The following RB1CC1 variants were observed in gnomAD, a reference collection of about 807,000 sequenced individuals.
RB1CC1 encodes RB1-inducible coiled-coil protein 1.
RB1CC1 carries 46 observed loss-of-function variants against 177.5 expected under a neutral mutation model. The observed-to-expected ratio is 0.26, with a 90% confidence interval of 0.20 to 0.33. RB1CC1 has a LOEUF of 0.33. Ranked by LOEUF, RB1CC1 falls within the 10% of genes least tolerant of loss-of-function variation. The probability of loss-of-function intolerance (pLI) is 1.00; values close to 1 mark genes in which losing one functional copy is unlikely to be tolerated. For missense variants in RB1CC1, 1,703 were observed against 1,816.3 expected (o/e 0.94, Z 1.13); for synonymous variants, 666 against 613.6 (o/e 1.09, Z -1.26).
chr8:52,670,276 T>C (rs1185931808), intron 7 of RB1CC1, among the ~76,000 whole-genome samples: 13 of 152,210 alleles, frequency 8.5e-5, no homozygotes, highest in Non-Finnish European at 1.3e-4. Flanking sequence ...ATTCCATTTG[T>C]TCACAGATAA....
At chr8:52,695,991 T>C (rs1222571137) in intron 1 of RB1CC1, among the ~76,000 whole-genome samples, 2 of 152,178 alleles carry the variant, frequency 1.3e-5, no homozygotes, top group African/African-American at 2.4e-5. Flanking sequence ...GGCAGTTTTG[T>C]GGGACTGTTC....
At chr8:52,638,514 G>C (rs1383310677) in intron 18 of RB1CC1, among the ~76,000 whole-genome samples, 2 of 151,972 alleles carry the variant, frequency 1.3e-5, no homozygotes, top group African/African-American at 4.8e-5. Context: ...TTTTTTAAAA[G>C]AGATTATAAA....
intron 2 of RB1CC1, chr8:52,685,799 A>G (rs1854225757): frequency 5.5e-6 from 1 of 181,254 alleles, no homozygotes; most frequent in South Asian, 1.8e-4. Context: ...GCTAGAGTAA[A>G]GGTTGCTATG....
chr8:52,699,819 AAAAAAAAAAAAATATAT>A (rs1358716008), intron 1 of RB1CC1, among the ~76,000 whole-genome samples: 6 of 97,304 alleles, frequency 6.2e-5, no homozygotes, highest in African/African-American at 1.3e-4. Flanking sequence ...AAAAAAAAAA[AAAAAAAAAAAAATATAT>A]ATATATATAT....
intron 15 of RB1CC1, among the ~76,000 whole-genome samples, chr8:52,653,597 C>G (rs1850817586): frequency 6.6e-6 from 1 of 152,084 alleles, no homozygotes; most frequent in African/African-American, 2.4e-5. Context: ...CTGTGGTCCA[C>G]TAGGAGGAGG....
At chr8:52,668,726 A>G (rs1178655348) in intron 7 of RB1CC1, among the ~76,000 whole-genome samples, 1 of 152,128 alleles carries the variant, frequency 6.6e-6, no homozygotes, top group Non-Finnish European at 1.5e-5. Context: ...AAATTTTCCG[A>G]TAATGCTCCT....
chr8:52,675,873 C>A (rs374907408), intron 6 of RB1CC1, among the ~76,000 whole-genome samples: 2 of 142,780 alleles, frequency 1.4e-5, no homozygotes, highest in South Asian at 2.2e-4. Flanking sequence ...GGCAACAGAG[C>A]GAGCCTCCGT....
At chr8:52,655,562 G>A (rs1034495453) in intron 15 of RB1CC1, among the ~76,000 whole-genome samples, 7 of 151,560 alleles carry the variant, frequency 4.6e-5, no homozygotes, top group Non-Finnish European at 7.4e-5. Context: ...ATAACAATAA[G>A]GAACACTCTA....
At chr8:52,665,612 C>T (rs564896727) in intron 8 of RB1CC1, among the ~76,000 whole-genome samples, 54 of 152,186 alleles carry the variant, frequency 3.5e-4, no homozygotes, top group Non-Finnish European at 6.2e-4. Context: ...AGTTAAAAAA[C>T]AACTACACTG....
chr8:52,644,633 C>T (rs1163881145), intron 16 of RB1CC1, among the ~76,000 whole-genome samples: 1 of 152,016 alleles, frequency 6.6e-6, no homozygotes, highest in Non-Finnish European at 1.5e-5. Flanking sequence ...AAGCCACACA[C>T]TTTTTTTTCT....
chr8:52,655,875 GTTT>G, intron 15 of RB1CC1, 130 bp downstream of exon 15: 1 of 673,028 alleles, frequency 1.5e-6, no homozygotes, highest in South Asian at 2.8e-5. Context: ...TAAAAAGTAA[GTTT>G]TTACTTCATG....
At chr8:52,640,241 C>A (rs886283483) in intron 18 of RB1CC1, among the ~76,000 whole-genome samples, 3 of 152,068 alleles carry the variant, frequency 2.0e-5, no homozygotes, top group African/African-American at 7.2e-5. Context: ...TTACCAGAGG[C>A]TGGGGAGAGT....
intron 20 of RB1CC1, 74 bp from the exon 21 acceptor site, chr8:52,630,602 CCACT>C: frequency 1.4e-6 from 2 of 1,461,300 alleles, no homozygotes; most frequent in Non-Finnish European, 1.8e-6. Context: ...AAAATTTCAC[CCACT>C]GTTATACACA....
rs778531838 is a variant in RB1CC1 at position 52,674,221 on chromosome 8, G to A, written c.626C>T (p.Thr209Ile). 3 of 1,612,394 alleles carry A rather than the reference G, an allele frequency of 1.9e-6. No homozygotes were observed. Among genetic ancestry groups the A allele is most frequent in the South Asian group, 2.2e-5 (2 of 91,056 alleles). ...CAAACATTCTCTGTAACTATGTCTG[G>A]TTAGGCACTCCAACAGTGGAATCTT... is the stretch of plus-strand genomic sequence containing the variant. ...MAKIPLLECLTRHSYRECLGR... is the reference protein window; with the variant it reads ...MAKIPLLECLIRHSYRECLGR... Residue 209 changes from threonine (T) to isoleucine (I), a missense_variant, in exon 7 of 24, where the codon ACC (threonine) becomes ATC (isoleucine). Physicochemically the swap from Thr to Ile is moderately conservative, Grantham distance 89. Coordinates refer to ENST00000025008, the MANE Select transcript of RB1CC1 (RefSeq NM_014781.5).
In RB1CC1 at chr8:52,624,804, G is replaced by A; in HGVS notation, c.4637-17C>T. The A allele has an allele frequency of 6.9e-7, 1 of 1,456,656 alleles. No homozygotes were observed. The highest frequency in any genetic ancestry group is 9.3e-7 in the Non-Finnish European group (1 of 1,078,162). The allele number at this position is 1,456,656 out of a possible 1,614,324, so 90.2% of individuals were successfully genotyped here. A position where few individuals can be genotyped will look rare whatever the true frequency, so the allele number is the denominator to read the frequency against. On this transcript the variant is annotated splice_polypyrimidine_tract_variant and intron_variant, in intron 22 of 23. Transcript: ENST00000025008. ...CACCTGAAGCTAATGAAATTAAATA[G>A]TTAATCTCTTTTTGAAAGTATGATT... is the stretch of plus-strand genomic sequence containing the variant.
chr8:52,695,278 TC>T (rs1268442066), intron 1 of RB1CC1, among the ~76,000 whole-genome samples: 1 of 152,228 alleles, frequency 6.6e-6, no homozygotes, highest in Non-Finnish European at 1.5e-5. Context: ...AAACATTTAT[TC>T]CATAGCTCCA....
intron 1 of RB1CC1, among the ~76,000 whole-genome samples, chr8:52,688,952 A>G (rs1200148393): frequency 6.6e-6 from 1 of 152,200 alleles, no homozygotes; most frequent in Non-Finnish European, 1.5e-5. Flanking sequence ...CAAAGAAAAA[A>G]TGTGGTACTT....
intron 1 of RB1CC1, among the ~76,000 whole-genome samples, chr8:52,692,707 T>C (rs1021264876): frequency 6.6e-6 from 1 of 152,218 alleles, no homozygotes; most frequent in African/African-American, 2.4e-5. Context: ...GACTTGGGAC[T>C]TTACTATTCC....
rs189719926 is a variant in RB1CC1 at position 52,691,974 on chromosome 8, T to C, written c.-166-5007A>G. ...ATTGTATACCACTCATAATGCTAAG[T>C]AGCTTTACATGCATGACTTCATTTA... On this transcript the variant is annotated intron_variant, in intron 1 of 23. Coordinates refer to ENST00000025008, the MANE Select transcript of RB1CC1 (RefSeq NM_014781.5). Among the ~76,000 whole-genome samples, 108 of 152,368 alleles carry C rather than the reference T, an allele frequency of 7.1e-4. 1 individual carries two copies. Among genetic ancestry groups the C allele is most frequent in the African/African-American group, 2.5e-3 (104 of 41,586 alleles).
Sources: allele counts gnomAD v4.1 joint callset (sites outside exome capture counted in the v4.1 genomes callset), GRCh38; gene constraint gnomAD v4.1.1; transcripts MANE v1.5; gene names NCBI Gene and HGNC (gene_info 2026-07-23, HGNC 2026-07-21).